MAP3K4: variants seen among roughly 807,000 people sequenced by gnomAD.
The protein encoded by MAP3K4 is mitogen-activated protein kinase kinase kinase 4, also known as MAP three kinase 1.
Under a neutral mutation model 185.6 loss-of-function variants are expected in MAP3K4, and 67 were observed. The observed-to-expected ratio is 0.36, with a 90% CI of 0.30 to 0.44. MAP3K4 has a LOEUF of 0.44. Among genes scored for constraint, MAP3K4 ranks in the 20% least tolerant of loss-of-function variants. The pLI, the probability that MAP3K4 is intolerant of heterozygous loss-of-function variation, is 1.00. For missense variants in MAP3K4, 1,551 were observed against 1,995.1 expected, an observed-to-expected ratio of 0.78 and a Z score of 4.24; for synonymous variants, 702 against 710.4, an observed-to-expected ratio of 0.99 and a Z score of 0.19.
rs1785821787 is a variant in MAP3K4, at chr6:161,087,928, A to T, written c.2797A>T (p.Thr933Ser). 6.2e-7 allele frequency: 1 copy of T among 1,613,712 alleles called. No individual in the cohort carries two copies. Among genetic ancestry groups the T allele is most frequent in the East Asian group, 2.2e-5 (1 of 44,862 alleles). Reference protein sequence around the residue: ...QPVKVVPQVETVDTLRSMQVD... With the variant: ...QPVKVVPQVESVDTLRSMQVD... ...TGTCAAAGTCGTGCCTCAGGTGGAG[A>T]CTGTTGACACCCTGAGAAGCATGCA... The change falls in exon 10 of 27, where the codon ACT becomes TCT. Residue 933 changes from threonine to serine, a missense_variant. By Grantham distance (58) the Thr-to-Ser change is moderately conservative. Coordinates refer to ENST00000392142, the MANE Select transcript of MAP3K4 (RefSeq NM_005922.4). The surrounding 1 kb of genome is among the most constrained non-coding windows in gnomAD (Gnocchi z 4.9).
In MAP3K4 at chr6:161,109,880, C is replaced by T. The variant is rs777500604; in HGVS notation, c.4362C>T (p.Leu1454=). The T allele has an allele frequency of 1.9e-5, 30 of 1,614,024 alleles. No homozygotes were observed. Among genetic ancestry groups the T allele is most frequent in the African/African-American group, 4.0e-5 (3 of 74,918 alleles). The change falls in exon 23 of 27, where the codon CTC becomes CTT. Residue 1454 remains leucine (L), a synonymous_variant. Transcript: ENST00000392142. The surrounding 1 kb of genome is among the most constrained non-coding windows in gnomAD (Gnocchi z 5.7). ...SKQITIAINV[L]HEHGIVHRDI... ...AGATCACCATTGCGATCAACGTCCT[C>T]CATGAGCATGGCATAGTCCACCGTG... is the stretch of plus-strand genomic sequence containing the variant.
In MAP3K4 at chr6:161,029,007, G is replaced by A. The variant is rs142712808; in HGVS notation, c.153-5252G>A. 8.6e-3 allele frequency among the ~76,000 whole-genome samples: 1,311 copies of A among 152,252 alleles called. 22 individuals are homozygous for A. The highest frequency in any genetic ancestry group is 0.03 in the African/African-American group (1,256 of 41,540). Reference sequence around the variant, plus strand: ...CCCTTTGATTAATACTTCAGGCCAAGCAAGCTATACACATTGTTTAAAGAA... The same window carrying A: ...CCCTTTGATTAATACTTCAGGCCAAACAAGCTATACACATTGTTTAAAGAA... On this transcript the variant is annotated intron_variant, in intron 1 of 26. Coordinates refer to ENST00000392142, the MANE Select transcript of MAP3K4 (RefSeq NM_005922.4).
At chr6:160,994,062 T>G (rs1780877645) in intron 1 of MAP3K4, among the ~76,000 whole-genome samples, 1 of 152,218 alleles carries the variant, frequency 6.6e-6, no homozygotes. Flanking sequence ...TTTGAACTTT[T>G]TTTTTTAACC....
At chr6:160,999,621 G>T (rs547115389) in intron 1 of MAP3K4, among the ~76,000 whole-genome samples, 2 of 152,278 alleles carry the variant, frequency 1.3e-5, no homozygotes, top group Admixed American at 1.3e-4. Context: ...ATGGCCTAGA[G>T]GGGCTGCAGC....
In MAP3K4 at chr6:161,075,607, G is replaced by A. The variant is rs1008528734; in HGVS notation, c.2097+1995G>A. Among the ~76,000 whole-genome samples the A allele has an allele frequency of 2.6e-5, 4 of 152,180 alleles. No individual in the cohort carries two copies. Among genetic ancestry groups the A allele is most frequent in the African/African-American group, 7.2e-5 (3 of 41,444 alleles). ...TTTGCTTCGTAAACTGTGTTTGCTG[G>A]CCCTTTATCCTGTAGTGGCAGGGGA... On this transcript the variant is annotated intron_variant, in intron 5 of 26. Transcript: ENST00000392142. The surrounding 1 kb of genome is among the most constrained non-coding windows in gnomAD (Gnocchi z 4.3).
chr6:161,002,265 T>C (rs190114738), intron 1 of MAP3K4, among the ~76,000 whole-genome samples: 41 of 152,288 alleles, frequency 2.7e-4, no homozygotes, highest in Admixed American at 2.2e-3. Context: ...GAAATTCTTT[T>C]TAGTTCATTT....
Position 161,073,206 on chromosome 6 carries a change from G to T in MAP3K4, c.1951-260G>T, listed in dbSNP as rs1785025511. On this transcript the variant is annotated intron_variant, in intron 4 of 26. Coordinates refer to ENST00000392142, the MANE Select transcript of MAP3K4 (RefSeq NM_005922.4). The surrounding 1 kb of genome is among the most constrained non-coding windows in gnomAD (Gnocchi z 4.2). ...TAAGAGAATTTATTTTAGCAAAGCA[G>T]TAATTGCCTATATGGTATTTTCTCT... The T allele has an allele frequency of 1.0e-5, 3 of 299,802 alleles. No individual in the cohort carries two copies. 18.6% of individuals were successfully genotyped at this position (299,802 alleles called of 1,614,324 possible). A position where few individuals can be genotyped will look rare whatever the true frequency, so the allele number is the denominator to read the frequency against.
At chr6:161,013,667 T>C (rs1781952461) in intron 1 of MAP3K4, among the ~76,000 whole-genome samples, 1 of 152,178 alleles carries the variant, frequency 6.6e-6, no homozygotes, top group Non-Finnish European at 1.5e-5. Context: ...CAACGTTACA[T>C]CTCTAGTGGT....
chr6:161,033,175 G>T (rs1044578704), intron 1 of MAP3K4, among the ~76,000 whole-genome samples: 1 of 152,022 alleles, frequency 6.6e-6, no homozygotes, highest in African/African-American at 2.4e-5. Flanking sequence ...GGAAGAAATG[G>T]ATTATATACT....
At chr6:161,010,225 G>A (rs1781783418) in intron 1 of MAP3K4, among the ~76,000 whole-genome samples, 1 of 152,120 alleles carries the variant, frequency 6.6e-6, no homozygotes, top group Non-Finnish European at 1.5e-5. Context: ...GGTACTATAT[G>A]CACCACATGA....
chr6:161,097,277 C>A lies in MAP3K4; in HGVS notation c.3524+101C>A, dbSNP rs969840952. Reference sequence around the variant, plus strand: ...GATGCTTGCTCTGAGAGCTAAATACCTTTTCTGCATTGTTCGTACGTAAAA... The same window carrying A: ...GATGCTTGCTCTGAGAGCTAAATACATTTTCTGCATTGTTCGTACGTAAAA... On this transcript the variant is annotated intron_variant, in intron 16 of 26. Transcript: ENST00000392142. This position sits in a 1 kb window ranked among gnomAD's most constrained non-coding sequence, Gnocchi z 4.9. The A allele has an allele frequency of 4.0e-5, 39 of 969,364 alleles. No individual in the cohort carries two copies. The Admixed American group carries it at 4.3e-4, about 11-fold the overall frequency. The allele number at this position is 969,364 out of a possible 1,614,324, so 60.0% of individuals were successfully genotyped here.
At position 161,106,242 on chromosome 6, in the gene MAP3K4, A is replaced by G. The variant is rs891815365; in HGVS notation, c.3857-272A>G. 6.6e-6 allele frequency among the ~76,000 whole-genome samples: 1 copy of G among 152,246 alleles called. No individual in the cohort carries two copies. On this transcript the variant is annotated intron_variant, in intron 19 of 26. Coordinates refer to ENST00000392142, the MANE Select transcript of MAP3K4 (RefSeq NM_005922.4). The surrounding 1 kb of genome is among the most constrained non-coding windows in gnomAD (Gnocchi z 4.9). ...GAGAGGAGAAACTAGAGACATGTAT[A>G]TTACTGCAAGATTTTAGCCAACGTT...
rs984025194 is a variant in MAP3K4, at chr6:161,088,103, C to A, written c.2823+149C>A. Reference sequence around the variant, plus strand: ...AATATGCCTCAATGTGTTAATAGGTCATTTTGCAGCATAATTTGTACAATA... The same window carrying A: ...AATATGCCTCAATGTGTTAATAGGTAATTTTGCAGCATAATTTGTACAATA... On this transcript the variant is annotated intron_variant, in intron 10 of 26. Coordinates refer to ENST00000392142, the MANE Select transcript of MAP3K4 (RefSeq NM_005922.4). This position sits in a 1 kb window ranked among gnomAD's most constrained non-coding sequence, Gnocchi z 4.5. 5.9e-6 allele frequency: 4 copies of A among 677,176 alleles called. No individual in the cohort carries two copies. Among genetic ancestry groups the A allele is most frequent in the Non-Finnish European group, 9.6e-6 (4 of 417,326 alleles). 41.9% of individuals were successfully genotyped at this position (677,176 alleles called of 1,614,324 possible). A position where few individuals can be genotyped will look rare whatever the true frequency, so the allele number is the denominator to read the frequency against.
At chr6:161,044,744 C>T (rs1783642954) in intron 2 of MAP3K4, among the ~76,000 whole-genome samples, 1 of 152,144 alleles carries the variant, frequency 6.6e-6, no homozygotes, top group African/African-American at 2.4e-5. Context: ...ACAAGCGTGG[C>T]ACCAATATCA....
chr6:161,107,939 C>T lies in MAP3K4; in HGVS notation c.4089C>T (p.Val1363=), dbSNP rs762448431. 5.6e-6 allele frequency: 9 copies of T among 1,613,994 alleles called. No individual in the cohort carries two copies. Among genetic ancestry groups the T allele is most frequent in the East Asian group, 4.5e-5 (2 of 44,868 alleles). Residue 1363 remains valine, a synonymous_variant, in exon 21 of 27, where the codon GTC becomes GTT. Coordinates refer to ENST00000392142, the MANE Select transcript of MAP3K4 (RefSeq NM_005922.4). This position sits in a 1 kb window ranked among gnomAD's most constrained non-coding sequence, Gnocchi z 6.2. ...GGAAGGTGTACACCTGCATCAGCGT[C>T]GACACCGGGGAGCTGATGGCCATGA... is the stretch of plus-strand genomic sequence containing the variant. ...QYGKVYTCIS[V]DTGELMAMKE...
chr6:161,072,792 A>C (rs1785007826), intron 4 of MAP3K4, among the ~76,000 whole-genome samples: 1 of 152,190 alleles, frequency 6.6e-6, no homozygotes, highest in African/African-American at 2.4e-5. Context: ...CAGTCTTTTT[A>C]TTAATGGGGA....
At chr6:161,046,603 A>T (rs988935594) in intron 2 of MAP3K4, among the ~76,000 whole-genome samples, 1 of 151,758 alleles carries the variant, frequency 6.6e-6, no homozygotes, top group Non-Finnish European at 1.5e-5. Context: ...ACCTTTTTTG[A>T]TGGATCATAA....
At chr6:161,012,891 T>A (rs1010080336) in intron 1 of MAP3K4, among the ~76,000 whole-genome samples, 8 of 152,130 alleles carry the variant, frequency 5.3e-5, no homozygotes, top group Non-Finnish European at 8.8e-5. Context: ...TATTATAACA[T>A]CATTTAAAAA....
intron 2 of MAP3K4, among the ~76,000 whole-genome samples, chr6:161,046,859 T>A (rs892836861): frequency 6.7e-6 from 1 of 149,628 alleles, no homozygotes; most frequent in African/African-American, 2.4e-5. Context: ...AACTAATCTC[T>A]TATATATTCC....
Sources: allele counts gnomAD v4.1 joint callset (sites outside exome capture counted in the v4.1 genomes callset), GRCh38; gene constraint gnomAD v4.1.1; non-coding constraint Gnocchi (gnomAD v3.1); transcripts MANE v1.5; gene names NCBI Gene and HGNC (gene_info 2026-07-23, HGNC 2026-07-21).